The following NXNL1 variants were observed in gnomAD, a reference collection of about 807,000 sequenced individuals.
The protein encoded by NXNL1 is nucleoredoxin like 1.
In NXNL1, 6 loss-of-function variants were observed where a neutral mutation model predicts 7.2. The observed-to-expected ratio is 0.83, with a 90% CI of 0.46 to 1.64. The LOEUF (loss-of-function observed/expected upper bound fraction) is 1.64, where lower values mean the gene tolerates loss of function less well. Among genes scored for constraint, NXNL1 ranks in the 40% most tolerant of loss-of-function variants. The pLI, the probability that NXNL1 is intolerant of heterozygous loss-of-function variation, is 0.01. For synonymous variants in NXNL1, 133 were observed against 127.2 expected (o/e 1.05, Z -0.31); for missense variants, 308 against 285.1 (o/e 1.08, Z -0.58).
Position 17,455,962 on chromosome 19 carries a change from G to T in NXNL1, c.327-3C>A. 1 of 1,597,588 alleles carries T rather than the reference G, an allele frequency of 6.3e-7. No homozygotes were observed. Among genetic ancestry groups the T allele is most frequent in the South Asian group, 1.1e-5 (1 of 91,034 alleles). Reference sequence around the variant, plus strand: ...CTGAGAACTGGCGCCCGAGGTCCCTGCGGAGCGGGCAGGTCAGTCTGGACG... The same window carrying T: ...CTGAGAACTGGCGCCCGAGGTCCCTTCGGAGCGGGCAGGTCAGTCTGGACG... On this transcript the variant is annotated splice_polypyrimidine_tract_variant and splice_region_variant and intron_variant, in intron 1 of 1. Transcript: ENST00000301944.
chr19:17,459,966 G>A (rs1448951794), intron 1 of NXNL1, among the ~76,000 whole-genome samples: 1 of 151,960 alleles, frequency 6.6e-6, no homozygotes. Context: ...TCCACTTTGT[G>A]GCCTAGCTTT....
Position 17,455,614 on chromosome 19 carries a change from A to G in NXNL1, c.*33T>C. On this transcript the variant is annotated 3_prime_UTR_variant, in exon 2 of 2. Coordinates refer to ENST00000301944, the MANE Select transcript of NXNL1 (RefSeq NM_138454.2). Reference sequence around the variant, plus strand: ...GTGGGGTGGGGGTGGAGGTTCATCAACAAACCCCACTCCTCTCCTCCACCC... The same window carrying G: ...GTGGGGTGGGGGTGGAGGTTCATCAGCAAACCCCACTCCTCTCCTCCACCC... 7.6e-7 allele frequency: 1 copy of G among 1,309,180 alleles called. No individual in the cohort carries two copies. The highest frequency in any genetic ancestry group is 1.1e-6 in the Non-Finnish European group (1 of 951,978). The allele number at this position is 1,309,180 out of a possible 1,614,324, so 81.1% of individuals were successfully genotyped here.
chr19:17,456,037 G>C, intron 1 of NXNL1, 78 bp from the exon 2 acceptor site: 4 of 1,570,984 alleles, frequency 2.5e-6, no homozygotes, highest in Non-Finnish European at 3.4e-6. Flanking sequence ...CCTCCTCCCA[G>C]TACTTAGGCA....
At chr19:17,458,798 C>T (rs890529749) in intron 1 of NXNL1, among the ~76,000 whole-genome samples, 28 of 151,792 alleles carry the variant, frequency 1.8e-4, no homozygotes, top group Admixed American at 1.8e-3. Context: ...GACGGGGTTT[C>T]ACCATGTTGG....
Position 17,460,923 on chromosome 19 carries a change from G to T in NXNL1, c.-54C>A. On this transcript the variant is annotated 5_prime_UTR_variant, in exon 1 of 2. Coordinates refer to ENST00000301944, the MANE Select transcript of NXNL1 (RefSeq NM_138454.2). ...CGCGGCGTGTGGTCCCCGGTCTGCT[G>T]ACTGGCTCCTCTCCCAGAAATAGAA... 1.3e-6 allele frequency: 2 copies of T among 1,549,430 alleles called. No individual in the cohort carries two copies. The highest frequency in any genetic ancestry group is 1.1e-5 in the South Asian group (1 of 89,648).
At chr19:17,456,344 C>CTAA (rs1283127017) in intron 1 of NXNL1, among the ~76,000 whole-genome samples, 1 of 66,196 alleles carries the variant, frequency 1.5e-5, no homozygotes, top group Non-Finnish European at 3.7e-5. Flanking sequence ...ATAAATAAAG[C>CTAA]AGGGTGTGGT....
rs1264473152 is a variant in NXNL1 at position 17,460,912 on chromosome 19, C to T, written c.-43G>A. 2 of 1,588,382 alleles carry T rather than the reference C, an allele frequency of 1.3e-6. No homozygotes were observed. The highest frequency in any genetic ancestry group is 1.7e-6 in the Non-Finnish European group (2 of 1,163,718). On this transcript the variant is annotated 5_prime_UTR_variant, in exon 1 of 2. Coordinates refer to ENST00000301944, the MANE Select transcript of NXNL1 (RefSeq NM_138454.2). Reference sequence around the variant, plus strand: ...GCTGGGGACAGCGCGGCGTGTGGTCCCCGGTCTGCTGACTGGCTCCTCTCC... The same window carrying T: ...GCTGGGGACAGCGCGGCGTGTGGTCTCCGGTCTGCTGACTGGCTCCTCTCC...
chr19:17,460,547 C>T lies in NXNL1; in HGVS notation c.323G>A (p.Arg108Lys). The T allele has an allele frequency of 6.2e-7, 1 of 1,600,320 alleles. No homozygotes were observed. The highest frequency in any genetic ancestry group is 8.5e-7 in the Non-Finnish European group (1 of 1,179,960). Residue 108 changes from arginine (R) to lysine (K), a missense_variant, in exon 1 of 2, where the codon AGG becomes AAG. Transcript: ENST00000301944. ...AGCCCTCCCTGCCCCTCCTCACCTC[C>T]TCAGATCATCCTCAAAGGGCAGGAA... ...WLFLPFEDDL[R>K]RDLGRQFSVE...
chr19:17,455,663 G>GCCCCCCCC lies in NXNL1; in HGVS notation c.622_623insGGGGGGGG (p.Ala208GlyfsTer59). The GCCCCCCCC allele has an allele frequency of 3.1e-5, 24 of 771,684 alleles. No individual in the cohort carries two copies. Among genetic ancestry groups the GCCCCCCCC allele is most frequent in the Middle Eastern group, 3.6e-4 (1 of 2,798 alleles). The allele number at this position is 771,684 out of a possible 1,614,324, so 47.8% of individuals were successfully genotyped here. A position where few individuals can be genotyped will look rare whatever the true frequency, so the allele number is the denominator to read the frequency against. The stretch of plus-strand genomic sequence containing the variant: ...CCTAGCGGGTCAGAACAGCCCCCCG[G>GCCCCCCCC]CCCCGCCCTCCTCCCCACCCCCTCC... On this transcript the variant is annotated frameshift_variant, in exon 2 of 2. Coordinates refer to ENST00000301944, the MANE Select transcript of NXNL1 (RefSeq NM_138454.2). LOFTEE classifies it high-confidence loss of function.
At chr19:17,458,838 G>A (rs936074440) in intron 1 of NXNL1, among the ~76,000 whole-genome samples, 4 of 152,000 alleles carry the variant, frequency 2.6e-5, no homozygotes, top group East Asian at 1.9e-4. Context: ...CTGACCTCAC[G>A]TGATCCACCC....
Position 17,460,881 on chromosome 19 carries a change from T to G in NXNL1, c.-12A>C. On this transcript the variant is annotated 5_prime_UTR_variant, in exon 1 of 2. Coordinates refer to ENST00000301944, the MANE Select transcript of NXNL1 (RefSeq NM_138454.2). The stretch of plus-strand genomic sequence containing the variant: ...AACAGGGAGGCCATGGTAACCTGGG[T>G]TGGGTGCTGGGGACAGCGCGGCGTG... 6.2e-7 allele frequency: 1 copy of G among 1,611,928 alleles called. No homozygotes were observed. Among genetic ancestry groups the G allele is most frequent in the African/African-American group, 1.3e-5 (1 of 75,006 alleles).
In NXNL1 at chr19:17,455,583, G is replaced by T. The variant is rs916046920; in HGVS notation, c.*64C>A. The T allele has an allele frequency of 8.9e-6, 9 of 1,010,708 alleles. No individual in the cohort carries two copies. Among genetic ancestry groups the T allele is most frequent in the Non-Finnish European group, 1.2e-5 (8 of 694,884 alleles). 62.6% of individuals were successfully genotyped at this position (1,010,708 alleles called of 1,614,324 possible). A position where few individuals can be genotyped will look rare whatever the true frequency, so the allele number is the denominator to read the frequency against. On this transcript the variant is annotated 3_prime_UTR_variant, in exon 2 of 2. Coordinates refer to ENST00000301944, the MANE Select transcript of NXNL1 (RefSeq NM_138454.2). Reference sequence around the variant, plus strand: ...CCCCAAGTGCTGGGATTACAGGCGTGCGGGGGTGGGGTGGGGGTGGAGGTT... The same window carrying T: ...CCCCAAGTGCTGGGATTACAGGCGTTCGGGGGTGGGGTGGGGGTGGAGGTT...
intron 1 of NXNL1, among the ~76,000 whole-genome samples, chr19:17,457,007 G>A (rs1326857214): frequency 2.7e-5 from 4 of 150,358 alleles, no homozygotes; most frequent in African/African-American, 7.3e-5. Flanking sequence ...CCCAGATCAC[G>A]CCACTGCACT....
intron 1 of NXNL1, among the ~76,000 whole-genome samples, chr19:17,460,259 C>T (rs1157283625): frequency 1.3e-5 from 2 of 152,178 alleles, no homozygotes; most frequent in Admixed American, 6.6e-5. Context: ...GATCTGCCCA[C>T]CTCGGCCTGC....
Position 17,455,932 on chromosome 19 carries a change from C to T in NXNL1, c.354G>A (p.Glu118=). ...RRDLGRQFSV[E]RLPAVVVLKP... is the part of the protein sequence containing the mutation. ...TGAGCACCACGACCGCCGGCAGGCG[C>T]TCCACTGAGAACTGGCGCCCGAGGT... is the stretch of plus-strand genomic sequence containing the variant. Residue 118 remains glutamate (E), a synonymous_variant, in exon 2 of 2, where the codon GAG becomes GAA. Transcript: ENST00000301944. 6.3e-7 allele frequency: 1 copy of T among 1,596,878 alleles called. No homozygotes were observed.
At chr19:17,460,420 A>G in intron 1 of NXNL1, 124 bp downstream of exon 1, 1 of 1,042,874 alleles carries the variant, frequency 9.6e-7, no homozygotes, top group Admixed American at 2.5e-5. Flanking sequence ...CCCTGTCTGT[A>G]CCCCCTAGTT....
intron 1 of NXNL1, among the ~76,000 whole-genome samples, chr19:17,456,660 T>C (rs2074994477): frequency 6.6e-6 from 1 of 152,058 alleles, no homozygotes; most frequent in African/African-American, 2.4e-5. Context: ...GATAGGCGGA[T>C]CACCGGAGGC....
rs914255070 is a variant in NXNL1, at chr19:17,455,482, G to C, written c.*165C>G. On this transcript the variant is annotated 3_prime_UTR_variant, in exon 2 of 2. Transcript: ENST00000301944. ...CACACCGGGCTAACTTTTAATTTTC[G>C]TAGAGTCAGGGTCTCACTCTCTTGC... 1.7e-6 allele frequency: 1 copy of C among 590,612 alleles called. No homozygotes were observed. Among genetic ancestry groups the C allele is most frequent in the Non-Finnish European group, 3.0e-6 (1 of 334,636 alleles). The allele number at this position is 590,612 out of a possible 1,614,324, so 36.6% of individuals were successfully genotyped here.
Position 17,455,821 on chromosome 19 carries a change from C to T in NXNL1, c.465G>A (p.Ala155=), listed in dbSNP as rs1198430170. The T allele has an allele frequency of 1.3e-6, 2 of 1,577,742 alleles. No homozygotes were observed. The highest frequency in any genetic ancestry group is 3.3e-4 in the Middle Eastern group (2 of 6,004). Residue 155 remains alanine (A), a synonymous_variant, in exon 2 of 2, where the codon GCG becomes GCA. Coordinates refer to ENST00000301944, the MANE Select transcript of NXNL1 (RefSeq NM_138454.2). ...GGAAGTTGCGGTCCAGCACCTCGGC[C>T]GCCTCCTGCCAGTTGGCGAAGCAGG... ...GTACFANWQE[A]AEVLDRNFQL... is the part of the protein sequence containing the mutation.
Sources: allele counts gnomAD v4.1 joint callset (sites outside exome capture counted in the v4.1 genomes callset), GRCh38; gene constraint gnomAD v4.1.1; transcripts MANE v1.5; gene names NCBI Gene and HGNC (gene_info 2026-07-23, HGNC 2026-07-21).